Variants in FCHO2 observed in about 807,000 individuals in gnomAD.
FCHO2 encodes F-BAR domain only protein 2.
In FCHO2, 43 loss-of-function variants were observed where a neutral mutation model predicts 114.1. The observed-to-expected ratio is 0.38, with a 90% confidence interval of 0.30 to 0.49. FCHO2 has a LOEUF of 0.49. Ranked by LOEUF, FCHO2 falls within the 20% of genes least tolerant of loss-of-function variation. The probability of loss-of-function intolerance (pLI) is 0.97; values close to 1 mark genes in which losing one functional copy is unlikely to be tolerated. For missense variants in FCHO2, 807 were observed against 950.4 expected, an observed-to-expected ratio of 0.85 and a Z score of 1.98; for synonymous variants, 293 against 315.2, an observed-to-expected ratio of 0.93 and a Z score of 0.75.
intron 2 of FCHO2, among the ~76,000 whole-genome samples, chr5:72,973,401 A>T (rs1465424914): frequency 2.6e-5 from 4 of 152,134 alleles, no homozygotes; most frequent in Non-Finnish European, 4.4e-5. Flanking sequence ...GTCTATTCAG[A>T]GATTCAACTT....
At chr5:72,989,294 A>G (rs1431849930) in intron 2 of FCHO2, 133 bp from the exon 3 acceptor site, 2 of 639,042 alleles carry the variant, frequency 3.1e-6, no homozygotes, top group African/African-American at 1.8e-5. Context: ...TCATGACTAC[A>G]TATATGTACT....
In FCHO2 at chr5:73,041,308, A is replaced by G; in HGVS notation, c.932A>G (p.Asp311Gly). The G allele has an allele frequency of 6.8e-7, 1 of 1,480,256 alleles. No homozygotes were observed. The highest frequency in any genetic ancestry group is 9.4e-7 in the Non-Finnish European group (1 of 1,065,156). The allele number at this position is 1,480,256 out of a possible 1,614,324, so 91.7% of individuals were successfully genotyped here. A position where few individuals can be genotyped will look rare whatever the true frequency, so the allele number is the denominator to read the frequency against. The change falls in exon 11 of 26, where the codon GAT becomes GGT. Residue 311 changes from aspartate (D) to glycine (G), a missense_variant. Physicochemically the swap from Asp to Gly is moderately conservative, Grantham distance 94. Coordinates refer to ENST00000430046, the MANE Select transcript of FCHO2 (RefSeq NM_138782.3). The part of the protein sequence containing the change: ...DAESVECPDA[D>G]SLNIPDVDEE... ...TTTAATAGGGAATGTCCTGATGCAG[A>G]TTCATTGGTAAGTAGATTTAACTTT... is the stretch of plus-strand genomic sequence containing the variant.
chr5:73,080,886 A>C (rs568399568), intron 22 of FCHO2, among the ~76,000 whole-genome samples: 1 of 152,196 alleles, frequency 6.6e-6, no homozygotes, highest in East Asian at 1.9e-4. Flanking sequence ...TGAGGCGAGA[A>C]GATTGCTTGA....
chr5:72,963,337 T>G (rs1279176328), intron 1 of FCHO2, among the ~76,000 whole-genome samples: 1 of 152,200 alleles, frequency 6.6e-6, no homozygotes, highest in East Asian at 1.9e-4. Flanking sequence ...AAACCATTAT[T>G]ATGGGATAGG....
chr5:72,960,959 C>T (rs183067907), intron 1 of FCHO2, among the ~76,000 whole-genome samples: 2 of 152,172 alleles, frequency 1.3e-5, no homozygotes, highest in East Asian at 3.9e-4. Flanking sequence ...ATAGTCAGCA[C>T]ATAAAAAATG....
chr5:73,014,969 G>A (rs1011574840), intron 6 of FCHO2, among the ~76,000 whole-genome samples: 7 of 151,124 alleles, frequency 4.6e-5, no homozygotes, highest in African/African-American at 1.5e-4. Context: ...CAAGCTACTC[G>A]GGTGGCTGAA....
chr5:72,996,243 C>CAAAAAAAAAAAAA (rs371371047), intron 5 of FCHO2, among the ~76,000 whole-genome samples: 11 of 110,974 alleles, frequency 9.9e-5, no homozygotes, highest in East Asian at 2.9e-4. Flanking sequence ...AACTCTGTCT[C>CAAAAAAAAAAAAA]AAAAAAAAAA....
chr5:73,064,051 A>G (rs1358019903), intron 18 of FCHO2, 107 bp downstream of exon 18: 6 of 1,045,766 alleles, frequency 5.7e-6, no homozygotes, highest in Non-Finnish European at 8.4e-6. Context: ...TTTTCTACCC[A>G]TGTCCTCACA....
chr5:72,987,367 C>T (rs576140133), intron 2 of FCHO2, among the ~76,000 whole-genome samples: 370 of 152,004 alleles, frequency 2.4e-3, no homozygotes, highest in Non-Finnish European at 2.9e-3. Flanking sequence ...GACAGAGTTT[C>T]GCTCTTGTTG....
chr5:72,967,829 A>G (rs1231903695), intron 1 of FCHO2, among the ~76,000 whole-genome samples: 2 of 151,662 alleles, frequency 1.3e-5, no homozygotes, highest in African/African-American at 4.9e-5. Context: ...CATGTTGGCC[A>G]GGCTGATCTA....
chr5:73,020,107 A>G (rs1190620572), intron 8 of FCHO2, among the ~76,000 whole-genome samples: 4 of 152,208 alleles, frequency 2.6e-5, no homozygotes, highest in Non-Finnish European at 4.4e-5. Context: ...CCATTTAATA[A>G]TGAAGGTAAA....
chr5:72,995,839 C>T (rs1246204274), intron 5 of FCHO2, among the ~76,000 whole-genome samples: 1 of 152,072 alleles, frequency 6.6e-6, no homozygotes, highest in African/African-American at 2.4e-5. Flanking sequence ...ATGACCGACT[C>T]ATCTATTAAA....
intron 2 of FCHO2, among the ~76,000 whole-genome samples, chr5:72,988,598 A>G (rs1047610637): frequency 3.3e-5 from 5 of 152,188 alleles, no homozygotes; most frequent in Non-Finnish European, 1.5e-5. Context: ...ACAGTTTTCT[A>G]GTGTGAAATA....
chr5:73,077,711 A>G (rs775914609), intron 21 of FCHO2, among the ~76,000 whole-genome samples: 5 of 152,128 alleles, frequency 3.3e-5, no homozygotes, highest in Admixed American at 6.6e-5. Flanking sequence ...TTAGCTGGGC[A>G]TGATGGTGCG....
At chr5:73,030,865 T>G (rs569339085) in intron 8 of FCHO2, among the ~76,000 whole-genome samples, 2 of 152,342 alleles carry the variant, frequency 1.3e-5, no homozygotes, top group South Asian at 4.1e-4. Flanking sequence ...AAGTCCTTTT[T>G]TAAAACACAT....
At position 73,088,813 on chromosome 5, in the gene FCHO2, A is replaced by G. The variant is rs985024372; in HGVS notation, c.*723A>G. ...TTTTTTTGATGAATTAATGCTGTAG[A>G]TTTAATTTATTTTTATATGGAATTG... On this transcript the variant is annotated 3_prime_UTR_variant, in exon 26 of 26. Coordinates refer to ENST00000430046, the MANE Select transcript of FCHO2 (RefSeq NM_138782.3). 8 of 152,532 alleles carry G rather than the reference A, an allele frequency of 5.2e-5. No homozygotes were observed. Among genetic ancestry groups the G allele is most frequent in the Non-Finnish European group, 8.8e-5 (6 of 68,018 alleles). 9.4% of individuals were successfully genotyped at this position (152,532 alleles called of 1,614,324 possible).
intron 23 of FCHO2, 147 bp from the exon 24 acceptor site, chr5:73,082,614 C>A: frequency 1.5e-6 from 1 of 657,706 alleles, no homozygotes; most frequent in South Asian, 1.9e-5. Context: ...ATATCATAAA[C>A]ACATTTTCAC....
At chr5:73,035,850 A>T (rs1191022498) in intron 9 of FCHO2, among the ~76,000 whole-genome samples, 1 of 151,826 alleles carries the variant, frequency 6.6e-6, no homozygotes, top group African/African-American at 2.4e-5. Context: ...TAAGTGCTGA[A>T]TTCTTTTTTT....
At chr5:73,014,784 A>G (rs970246951) in intron 6 of FCHO2, among the ~76,000 whole-genome samples, 4 of 151,936 alleles carry the variant, frequency 2.6e-5, no homozygotes, top group African/African-American at 9.7e-5. Flanking sequence ...TTAATGTGTA[A>G]TGGCTCCAAA....
Sources: allele counts gnomAD v4.1 joint callset (sites outside exome capture counted in the v4.1 genomes callset), GRCh38; gene constraint gnomAD v4.1.1; transcripts MANE v1.5; gene names NCBI Gene and HGNC (gene_info 2026-07-23, HGNC 2026-07-21).